Variants in MAEL observed in about 807,000 individuals in gnomAD.
MAEL encodes maelstrom spermatogenic transposon silencer.
Under a neutral mutation model 62.0 loss-of-function variants are expected in MAEL, and 46 were observed. That is an observed-to-expected ratio of 0.74 (90% CI 0.59 to 0.95). The LOEUF (loss-of-function observed/expected upper bound fraction) is 0.95, where lower values mean the gene tolerates loss of function less well. MAEL is among the 40% of genes least tolerant of loss of function. The pLI is 0.00. For missense variants in MAEL, 497 were observed against 526.8 expected, an observed-to-expected ratio of 0.94 and a Z score of 0.55; for synonymous variants, 172 against 175.5, an observed-to-expected ratio of 0.98 and a Z score of 0.16.
chr1:166,994,104 T>C, intron 5 of MAEL, 35 bp downstream of exon 5: 1 of 1,580,244 alleles, frequency 6.3e-7, no homozygotes, highest in Non-Finnish European at 8.7e-7. Context: ...ATTTGTGACT[T>C]GAATCTATTC....
chr1:167,020,213 GTC>G (rs1028527542), intron 10 of MAEL, among the ~76,000 whole-genome samples: 16 of 152,124 alleles, frequency 1.1e-4, no homozygotes, highest in African/African-American at 3.9e-4. Context: ...TACCACCTTT[GTC>G]TCTACTCTTC....
chr1:167,014,445 G>A (rs563831379), intron 8 of MAEL, among the ~76,000 whole-genome samples: 17 of 152,260 alleles, frequency 1.1e-4, no homozygotes, highest in Middle Eastern at 3.4e-3. Context: ...GGAGTGACAC[G>A]ATCATCCTTG....
At chr1:166,991,194 A>G (rs1244886672) in intron 2 of MAEL, among the ~76,000 whole-genome samples, 184 bp from the exon 3 acceptor site, 2 of 152,204 alleles carry the variant, frequency 1.3e-5, no homozygotes, top group Non-Finnish European at 2.9e-5. Flanking sequence ...CTTCTGATTC[A>G]GAATATTTAT....
chr1:167,008,868 A>C (rs569555853), intron 8 of MAEL, among the ~76,000 whole-genome samples: 1 of 152,108 alleles, frequency 6.6e-6, no homozygotes, highest in Non-Finnish European at 1.5e-5. Flanking sequence ...TGTTTCTTTT[A>C]GTAAATTCCA....
At chr1:167,011,014 T>C (rs1665150048) in intron 8 of MAEL, among the ~76,000 whole-genome samples, 1 of 152,040 alleles carries the variant, frequency 6.6e-6, no homozygotes, top group Admixed American at 6.6e-5. Flanking sequence ...TTTTTTTTTC[T>C]ACCTAATTTC....
intron 8 of MAEL, among the ~76,000 whole-genome samples, chr1:167,013,426 A>G (rs761077220): frequency 6.6e-6 from 1 of 152,182 alleles, no homozygotes; most frequent in East Asian, 1.9e-4. Context: ...TATACAAATC[A>G]TCATAGCCAT....
intron 1 of MAEL, 86 bp downstream of exon 1, chr1:166,989,570 G>C (rs1664068847): frequency 1.3e-6 from 2 of 1,530,126 alleles, no homozygotes; most frequent in Non-Finnish European, 1.8e-6. Context: ...CCTCGAGGAG[G>C]TCAGGCGGCT....
At chr1:166,995,289 G>A (rs1664373686) in intron 5 of MAEL, among the ~76,000 whole-genome samples, 1 of 151,836 alleles carries the variant, frequency 6.6e-6, no homozygotes, top group South Asian at 2.1e-4. Flanking sequence ...TACCCAGGCT[G>A]GAGTGTAATG....
At chr1:166,997,993 T>C (rs975579993) in intron 5 of MAEL, among the ~76,000 whole-genome samples, 1 of 152,204 alleles carries the variant, frequency 6.6e-6, no homozygotes, top group Non-Finnish European at 1.5e-5. Flanking sequence ...CTGTATCATA[T>C]CATGTTTCTG....
chr1:166,992,790 T>C lies in MAEL; in HGVS notation c.430T>C (p.Tyr144His), dbSNP rs760448001. 1.2e-6 allele frequency: 2 copies of C among 1,611,324 alleles called. No homozygotes were observed. Among genetic ancestry groups the C allele is most frequent in the Non-Finnish European group, 1.7e-6 (2 of 1,178,944 alleles). The change falls in exon 4 of 12, where the codon TAT becomes CAT. Residue 144 changes from tyrosine to histidine, a missense_variant. Physicochemically the swap from Tyr to His is moderately conservative, Grantham distance 83. Transcript: ENST00000367872. ...CCCTTGTGAAATTGGCTGTGTTAAG[T>C]ATTCTCTCCAAGAAGGTATTATGGC... ...FLPCEIGCVK[Y>H]SLQEGIMADF...
In MAEL at chr1:166,992,791, A is replaced by G; in HGVS notation, c.431A>G (p.Tyr144Cys). 1 of 1,610,938 alleles carries G rather than the reference A, an allele frequency of 6.2e-7. No individual in the cohort carries two copies. Among genetic ancestry groups the G allele is most frequent in the Non-Finnish European group, 8.5e-7 (1 of 1,178,836 alleles). The change falls in exon 4 of 12, where the codon TAT becomes TGT. Residue 144 changes from tyrosine (Y) to cysteine (C), a missense_variant. By Grantham distance (194) the Tyr-to-Cys change is radical. Transcript: ENST00000367872. ...FLPCEIGCVK[Y>C]SLQEGIMADF... ...CCTTGTGAAATTGGCTGTGTTAAGT[A>G]TTCTCTCCAAGAAGGTATTATGGCA...
intron 4 of MAEL, 56 bp downstream of exon 4, chr1:166,992,897 T>A (rs1286348971): frequency 2.2e-6 from 3 of 1,382,714 alleles, no homozygotes; most frequent in Admixed American, 2.6e-5. Flanking sequence ...TTTTTTTAAA[T>A]CTTGACTTTA....
chr1:166,997,992 A>G (rs964173353), intron 5 of MAEL, among the ~76,000 whole-genome samples: 1 of 152,160 alleles, frequency 6.6e-6, no homozygotes, highest in Non-Finnish European at 1.5e-5. Context: ...CCTGTATCAT[A>G]TCATGTTTCT....
chr1:167,016,409 G>A (rs1665390435), intron 9 of MAEL, 125 bp downstream of exon 9: 5 of 826,300 alleles, frequency 6.1e-6, no homozygotes, highest in South Asian at 4.7e-5. Flanking sequence ...TCAAAACAAA[G>A]GGGGTCAAAT....
chr1:166,983,371 C>T (rs1663817019), intron 1 of MAEL, among the ~76,000 whole-genome samples: 1 of 152,124 alleles, frequency 6.6e-6, no homozygotes, highest in Non-Finnish European at 1.5e-5. Context: ...CATCCTGGAT[C>T]CTTTTTTTCT....
intron 8 of MAEL, chr1:167,006,137 T>C (rs1463136420): frequency 6.6e-6 from 1 of 152,106 alleles, no homozygotes; most frequent in East Asian, 1.9e-4. Flanking sequence ...TACCATAGTG[T>C]AATGATCAAA....
rs6663543 is a variant in MAEL, at chr1:166,995,002, G to A, written c.523+933G>A. ...TTTTTTTTTTTTTTTTTTTTGCTTA[G>A]AAACGTGGACAGCTAGCCTCTAGAA... On this transcript the variant is annotated intron_variant, in intron 5 of 11. Coordinates refer to ENST00000367872, the MANE Select transcript of MAEL (RefSeq NM_032858.3). 2.7e-3 allele frequency among the ~76,000 whole-genome samples: 308 copies of A among 115,328 alleles called. 2 individuals carry two copies. The highest frequency in any genetic ancestry group is 9.7e-3 in the African/African-American group (293 of 30,202). The allele number at this position is 115,328 out of a possible 152,430, so 75.7% of individuals were successfully genotyped here. A position where few individuals can be genotyped will look rare whatever the true frequency, so the allele number is the denominator to read the frequency against.
intron 8 of MAEL, among the ~76,000 whole-genome samples, chr1:167,007,568 TG>T (rs1664976200): frequency 8.2e-6 from 1 of 122,030 alleles, no homozygotes; most frequent in African/African-American, 3.9e-5. Context: ...TGTGTGTGTG[TG>T]TGTGTGTGTG....
intron 8 of MAEL, 43 bp from the exon 9 acceptor site, chr1:167,016,179 G>C: frequency 6.5e-7 from 1 of 1,540,922 alleles, no homozygotes; most frequent in Non-Finnish European, 9.0e-7. Flanking sequence ...CCTTTAAGCA[G>C]TGCTACTTCA....
Sources: gnomAD v4.1 joint callset for allele counts (sites outside exome capture counted in the v4.1 genomes callset) on GRCh38, gnomAD v4.1.1 for gene constraint, MANE v1.5 for transcripts, NCBI Gene and HGNC (gene_info 2026-07-23, HGNC 2026-07-21) for gene names.